Variants in GPC5 observed in about 807,000 individuals in gnomAD.
GPC5 encodes the protein glypican-5.
In GPC5, 47 loss-of-function variants were observed where a neutral mutation model predicts 53.9. The ratio of observed to expected loss-of-function variants is 0.87; its 90% CI spans 0.69 to 1.11. The LOEUF (loss-of-function observed/expected upper bound fraction) is 1.11, where lower values mean the gene tolerates loss of function less well. Among genes scored for constraint, GPC5 ranks in the 50% most tolerant of loss-of-function variants. GPC5 has a pLI of 0.00. For synonymous variants in GPC5, 286 were observed against 263.3 expected (o/e 1.09, Z -0.84); for missense variants, 748 against 713.1 (o/e 1.05, Z -0.56).
chr13:91,697,433 G>A (rs901400764), intron 3 of GPC5, among the ~76,000 whole-genome samples: 5 of 152,066 alleles, frequency 3.3e-5, no homozygotes, highest in Admixed American at 2.6e-4. Context: ...GAGCCACCAC[G>A]CCTGGCCTTC....
intron 1 of GPC5, among the ~76,000 whole-genome samples, chr13:91,443,993 T>C (rs994265514): frequency 1.3e-5 from 2 of 152,192 alleles, no homozygotes; most frequent in African/African-American, 2.4e-5. Context: ...TCAGATGACA[T>C]AAAATACAGT....
At chr13:92,110,840 T>C (rs905687964) in intron 6 of GPC5, among the ~76,000 whole-genome samples, 3 of 152,194 alleles carry the variant, frequency 2.0e-5, no homozygotes, top group Non-Finnish European at 4.4e-5. Context: ...CTGTCATATG[T>C]CCATTCAGAT....
chr13:92,328,567 A>G (rs1361768125), intron 7 of GPC5, among the ~76,000 whole-genome samples: 1 of 152,154 alleles, frequency 6.6e-6, no homozygotes, highest in Admixed American at 6.6e-5. Flanking sequence ...ACCAGAGTTC[A>G]TTGTCGAAAT....
At chr13:92,744,041 C>T (rs562700007) in intron 7 of GPC5, among the ~76,000 whole-genome samples, 2 of 151,836 alleles carry the variant, frequency 1.3e-5, no homozygotes, top group South Asian at 4.1e-4. Context: ...CAGGGAGGAT[C>T]CAAAGAATTG....
chr13:92,627,674 C>A (rs890441917), intron 7 of GPC5, among the ~76,000 whole-genome samples: 8 of 152,160 alleles, frequency 5.3e-5, no homozygotes, highest in Admixed American at 4.6e-4. Context: ...CGAAAGGTTT[C>A]TTTTTTGTTT....
At chr13:92,545,858 C>T (rs1339075247) in intron 7 of GPC5, among the ~76,000 whole-genome samples, 2 of 152,218 alleles carry the variant, frequency 1.3e-5, no homozygotes, top group East Asian at 1.9e-4. Context: ...AATTTTCTCC[C>T]ATTTTGTAGG....
At chr13:92,830,033 A>G (rs1212668283) in intron 7 of GPC5, among the ~76,000 whole-genome samples, 2 of 152,154 alleles carry the variant, frequency 1.3e-5, no homozygotes. Context: ...GTTAATGTCA[A>G]AAACAAGTCA....
intron 7 of GPC5, among the ~76,000 whole-genome samples, chr13:92,350,989 A>T (rs1385832360): frequency 2.0e-5 from 3 of 152,036 alleles, no homozygotes; most frequent in Non-Finnish European, 2.9e-5. Context: ...AATTGTATAC[A>T]AAAAAGACTA....
chr13:92,794,763 A>G (rs1192993117), intron 7 of GPC5, among the ~76,000 whole-genome samples: 3 of 152,182 alleles, frequency 2.0e-5, no homozygotes, highest in Non-Finnish European at 4.4e-5. Flanking sequence ...GAACCAAATC[A>G]TGAGTGAACT....
chr13:92,080,445 C>A (rs2041286378), intron 6 of GPC5, among the ~76,000 whole-genome samples: 1 of 152,178 alleles, frequency 6.6e-6, no homozygotes, highest in Non-Finnish European at 1.5e-5. Context: ...AACAAAATGT[C>A]TTAGTTTTCC....
chr13:92,804,280 T>A (rs538908895), intron 7 of GPC5, among the ~76,000 whole-genome samples: 11 of 152,050 alleles, frequency 7.2e-5, no homozygotes, highest in Admixed American at 3.3e-4. Flanking sequence ...AGCATCAGTA[T>A]GTCTGGGTTT....
At chr13:91,589,431 C>T (rs1047325610) in intron 2 of GPC5, among the ~76,000 whole-genome samples, 1 of 152,074 alleles carries the variant, frequency 6.6e-6, no homozygotes, top group African/African-American at 2.4e-5. Flanking sequence ...GTTCAGTAAG[C>T]ATCTCAAAGT....
intron 7 of GPC5, among the ~76,000 whole-genome samples, chr13:92,493,560 T>C (rs1273129430): frequency 1.3e-5 from 2 of 152,056 alleles, no homozygotes; most frequent in African/African-American, 4.8e-5. Context: ...AAAAAATATA[T>C]ATGAATATAT....
chr13:92,253,008 G>A (rs2042702684), intron 7 of GPC5, among the ~76,000 whole-genome samples: 1 of 152,074 alleles, frequency 6.6e-6, no homozygotes, highest in Admixed American at 6.6e-5. Context: ...GCAGAAAGTG[G>A]AAATGCTATG....
intron 7 of GPC5, among the ~76,000 whole-genome samples, chr13:92,455,230 A>T (rs959009368): frequency 6.6e-6 from 1 of 152,208 alleles, no homozygotes; most frequent in Non-Finnish European, 1.5e-5. Context: ...GAAGGTGGCC[A>T]CTATAAATAG....
At chr13:92,010,359 A>C (rs1236681086) in intron 6 of GPC5, among the ~76,000 whole-genome samples, 1 of 152,202 alleles carries the variant, frequency 6.6e-6, no homozygotes, top group East Asian at 1.9e-4. Context: ...ACAGTAAATC[A>C]CATATAGTAG....
chr13:92,369,545 G>A (rs1448728960), intron 7 of GPC5, among the ~76,000 whole-genome samples: 1 of 152,142 alleles, frequency 6.6e-6, no homozygotes, highest in Non-Finnish European at 1.5e-5. Flanking sequence ...TGAACAGTAT[G>A]CACTCAATAA....
intron 6 of GPC5, among the ~76,000 whole-genome samples, chr13:92,106,994 T>C (rs2041515302): frequency 6.6e-6 from 1 of 152,142 alleles, no homozygotes; most frequent in African/African-American, 2.4e-5. Flanking sequence ...TCAAAGGGGT[T>C]TTTACCTATA....
At chr13:92,190,212 A>G (rs746138906) in intron 7 of GPC5, among the ~76,000 whole-genome samples, 2 of 152,176 alleles carry the variant, frequency 1.3e-5, no homozygotes, top group East Asian at 1.9e-4. Context: ...AAAACCACCA[A>G]TGGAGAATTC....
Sources: allele counts gnomAD v4.1 joint callset (sites outside exome capture counted in the v4.1 genomes callset), GRCh38; gene constraint gnomAD v4.1.1; transcripts MANE v1.5; gene names NCBI Gene and HGNC (gene_info 2026-07-23, HGNC 2026-07-21).